Variants in UMOD observed in about 807,000 individuals in gnomAD.
UMOD encodes the protein uromodulin.
UMOD carries 64 observed loss-of-function variants against 66.0 expected under a neutral mutation model. That is an observed-to-expected ratio of 0.97 (90% CI 0.79 to 1.19). The LOEUF is 1.19. UMOD is among the 50% of genes most tolerant of loss of function. UMOD has a pLI of 0.00. For missense variants in UMOD, 764 were observed against 850.9 expected (o/e 0.90, Z 1.27); for synonymous variants, 398 against 352.7 (o/e 1.13, Z -1.44).
Position 20,341,116 on chromosome 16 carries a change from G to C in UMOD, c.1552C>G (p.Leu518Val). 1 of 1,614,128 alleles carries C rather than the reference G, an allele frequency of 6.2e-7. No individual in the cohort carries two copies. Among genetic ancestry groups the C allele is most frequent in the Non-Finnish European group, 8.5e-7 (1 of 1,180,020 alleles). ...ATPSSNATDP[L>V]KYFIIQDRCP... ...CTGTCCTGGATGATGAAGTACTTCA[G>C]GGGGTCCGTGGCATTGCTACTGGGT... Residue 518 changes from leucine (L) to valine (V), a missense_variant, in exon 7 of 11, where the codon CTG becomes GTG. Leu to Val is a conservative substitution (Grantham distance 32). Coordinates refer to ENST00000396138, the MANE Select transcript of UMOD (RefSeq NM_003361.4).
rs143321062 is a variant in UMOD at position 20,350,324 on chromosome 16, C to T, written c.88+326G>A. On this transcript the variant is annotated intron_variant, in intron 2 of 10. Transcript: ENST00000396138. ...TTTCTGACTTCCAATAAAGGGCCTG[C>T]AGGCCTTAGAGATGTTCTAGCCCCT... Among the ~76,000 whole-genome samples, 895 of 152,258 alleles carry T rather than the reference C, an allele frequency of 5.9e-3. 3 individuals carry two copies. Among genetic ancestry groups the T allele is most frequent in the Non-Finnish European group, 9.7e-3 (658 of 68,010 alleles).
intron 5 of UMOD, among the ~76,000 whole-genome samples, chr16:20,344,980 A>G (rs1306335848): frequency 6.6e-6 from 1 of 152,198 alleles, no homozygotes; most frequent in African/African-American, 2.4e-5. Flanking sequence ...TGGAATTTCA[A>G]ATGCCATCCT....
chr16:20,348,356 C>T (rs751069723), intron 3 of UMOD, 26 bp from the exon 4 acceptor site: 30 of 1,614,070 alleles, frequency 1.9e-5, no homozygotes, highest in Non-Finnish European at 2.5e-5. Flanking sequence ...GACAGACAGA[C>T]AATCAATAAG....
At chr16:20,333,785 G>A (rs561275557) in intron 10 of UMOD, among the ~76,000 whole-genome samples, 1 of 152,208 alleles carries the variant, frequency 6.6e-6, no homozygotes, top group African/African-American at 2.4e-5. Flanking sequence ...TTTAACCCCA[G>A]AATTTTGGGA....
At chr16:20,338,686 G>T (rs1965017609) in intron 7 of UMOD, among the ~76,000 whole-genome samples, 1 of 152,004 alleles carries the variant, frequency 6.6e-6, no homozygotes, top group Admixed American at 6.6e-5. Context: ...TACAGACAGG[G>T]TTTCACCATG....
chr16:20,333,841 C>T (rs1964723010), intron 10 of UMOD, among the ~76,000 whole-genome samples: 1 of 152,076 alleles, frequency 6.6e-6, no homozygotes, highest in Non-Finnish European at 1.5e-5. Context: ...CAAGACCAGC[C>T]TGGCCACACG....
intron 2 of UMOD, chr16:20,349,603 A>G (rs573539001): frequency 2.2e-6 from 3 of 1,383,180 alleles, no homozygotes; most frequent in East Asian, 2.5e-5. Flanking sequence ...GGCACGTGCA[A>G]TCGCGCCCAG....
chr16:20,333,163 C>T lies in UMOD; in HGVS notation c.*151G>A. 1 of 827,316 alleles carries T rather than the reference C, an allele frequency of 1.2e-6. No homozygotes were observed. Among genetic ancestry groups the T allele is most frequent in the South Asian group, 1.5e-5 (1 of 67,988 alleles). 51.2% of individuals were successfully genotyped at this position (827,316 alleles called of 1,614,324 possible). On this transcript the variant is annotated 3_prime_UTR_variant, in exon 11 of 11. Coordinates refer to ENST00000396138, the MANE Select transcript of UMOD (RefSeq NM_003361.4). ...CAGCATTTAAAGACACAGGCTGTTT[C>T]TCGACAGCCAGGATTAAAAGGGAGA...
At chr16:20,350,597 C>T in intron 2 of UMOD, 53 bp downstream of exon 2, 1 of 1,604,410 alleles carries the variant, frequency 6.2e-7, no homozygotes. Context: ...CCCACACATT[C>T]ACACATACAC....
chr16:20,341,165 C>T lies in UMOD; in HGVS notation c.1503G>A (p.Leu501=). Residue 501 remains leucine, a synonymous_variant, in exon 7 of 11, where the codon CTG becomes CTA. Transcript: ENST00000396138. ...LDGGDLSRFA[L]LMTNCYATPS... The stretch of plus-strand genomic sequence containing the variant: ...GTGTGGCATAGCAGTTGGTCATGAG[C>T]AGTGCAAATCGGGACAGGTCGCCCC... The T allele has an allele frequency of 6.2e-7, 1 of 1,614,086 alleles. No individual in the cohort carries two copies. The highest frequency in any genetic ancestry group is 2.2e-5 in the East Asian group (1 of 44,874).
intron 10 of UMOD, 92 bp downstream of exon 10, chr16:20,335,390 T>C (rs1444447281): frequency 9.7e-6 from 13 of 1,342,014 alleles, no homozygotes; most frequent in African/African-American, 1.4e-5. Flanking sequence ...ACCTCCCTTA[T>C]AGAGTTGCTA....
At chr16:20,334,422 G>A (rs1242518747) in intron 10 of UMOD, among the ~76,000 whole-genome samples, 1 of 152,146 alleles carries the variant, frequency 6.6e-6, no homozygotes, top group African/African-American at 2.4e-5. Context: ...CAATAAGTGT[G>A]TGTACATCTG....
rs111658337 is a variant in UMOD, at chr16:20,336,024, C to T, written c.1823-504G>A. ...GATAACAGCCCTTTCCAAAAACAAA[C>T]CTCCTTCTTGCCTTGGGGGCTAGAC... On this transcript the variant is annotated intron_variant, in intron 9 of 10. Coordinates refer to ENST00000396138, the MANE Select transcript of UMOD (RefSeq NM_003361.4). Among the ~76,000 whole-genome samples the T allele has an allele frequency of 9.7e-3, 1,473 of 152,288 alleles. 10 individuals are homozygous for T. The highest frequency in any genetic ancestry group is 0.031 in the Middle Eastern group (9 of 294).
At chr16:20,334,074 C>T (rs1197855804) in intron 10 of UMOD, among the ~76,000 whole-genome samples, 1 of 148,966 alleles carries the variant, frequency 6.7e-6, no homozygotes, top group South Asian at 2.2e-4. Context: ...GTGTAAGAAC[C>T]TCCTTGGATC....
chr16:20,336,623 T>G, intron 9 of UMOD, 23 bp downstream of exon 9: 1 of 1,610,788 alleles, frequency 6.2e-7, no homozygotes, highest in Non-Finnish European at 8.5e-7. Flanking sequence ...CCAGGAATGT[T>G]GAGGAGCGAG....
At chr16:20,346,476 A>G in intron 4 of UMOD, 142 bp from the exon 5 acceptor site, 2 of 789,190 alleles carry the variant, frequency 2.5e-6, no homozygotes, top group Non-Finnish European at 4.3e-6. Flanking sequence ...TCCCCTCCCA[A>G]TGTGATGGGG....
In UMOD at chr16:20,344,044, G is replaced by A. The variant is rs748219272; in HGVS notation, c.1311C>T (p.Thr437=). The part of the protein sequence containing the change: ...YPLDMKVSLK[T]ALQPMVSALN... ...CACACCTGACCATTGGCTGTAGGGC[G>A]GTCTTCAGGCTGACTTTCATGTCCA... Residue 437 remains threonine, a synonymous_variant, in exon 6 of 11, where the codon ACC becomes ACT. Coordinates refer to ENST00000396138, the MANE Select transcript of UMOD (RefSeq NM_003361.4). 1.4e-5 allele frequency: 23 copies of A among 1,613,868 alleles called. No homozygotes were observed. The highest frequency in any genetic ancestry group is 5.0e-5 in the Admixed American group (3 of 60,014).
At chr16:20,341,053 T>C (rs1369403545) in intron 7 of UMOD, 38 bp downstream of exon 7, 1 of 1,600,690 alleles carries the variant, frequency 6.2e-7, no homozygotes, top group South Asian at 1.1e-5. Context: ...CCCTCTGAAT[T>C]CTACCCATGA....
At chr16:20,336,362 G>C (rs1422587572) in intron 9 of UMOD, among the ~76,000 whole-genome samples, 4 of 152,202 alleles carry the variant, frequency 2.6e-5, no homozygotes, top group Non-Finnish European at 5.9e-5. Flanking sequence ...GTGGCCTCAT[G>C]TGTGTGCAAA....
Sources: allele counts gnomAD v4.1 joint callset (sites outside exome capture counted in the v4.1 genomes callset), GRCh38; gene constraint gnomAD v4.1.1; transcripts MANE v1.5; gene names NCBI Gene and HGNC (gene_info 2026-07-23, HGNC 2026-07-21).